The following FAT3 variants were observed in gnomAD, a reference collection of about 807,000 sequenced individuals.
FAT3 encodes protocadherin Fat 3.
Under a neutral mutation model 310.2 loss-of-function variants are expected in FAT3, and 95 were observed. The observed-to-expected ratio is 0.31, with a 90% CI of 0.26 to 0.36. FAT3 has a LOEUF of 0.36. Ranked by LOEUF, FAT3 falls within the 10% of genes least tolerant of loss-of-function variation. FAT3 has a pLI of 1.00. For missense variants in FAT3, 5,408 were observed against 5,715.6 expected (o/e 0.95, Z 1.74); for synonymous variants, 2,314 against 2,192.9 (o/e 1.06, Z -1.54).
At position 92,799,913 on chromosome 11, in the gene FAT3, T is replaced by G; in HGVS notation, c.6900T>G (p.Ser2300=). The part of the protein sequence containing the change: ...PTYNTTLSEA[S]LIGTPVLQVV... ...ACAATACAACACTATCAGAAGCATCTCTTATTGGGACACCTGTTTTACAAG... is the reference window on the plus strand; with the variant it reads ...ACAATACAACACTATCAGAAGCATCGCTTATTGGGACACCTGTTTTACAAG... The change falls in exon 10 of 28, where the codon TCT becomes TCG. Residue 2300 remains serine (S), a synonymous_variant. Coordinates refer to ENST00000525166, the MANE Select transcript of FAT3 (RefSeq NM_001367949.2). 1 of 1,612,750 alleles carries G rather than the reference T, an allele frequency of 6.2e-7. No individual in the cohort carries two copies. Among genetic ancestry groups the G allele is most frequent in the South Asian group, 1.1e-5 (1 of 90,844 alleles).
At chr11:92,449,061 A>G (rs1032926849) in intron 2 of FAT3, among the ~76,000 whole-genome samples, 2 of 152,080 alleles carry the variant, frequency 1.3e-5, no homozygotes, top group East Asian at 1.9e-4. Context: ...CCCGGGCTCA[A>G]TGCTAAGAAG....
intron 7 of FAT3, among the ~76,000 whole-genome samples, chr11:92,781,259 T>G (rs1489958056): frequency 6.6e-6 from 1 of 151,552 alleles, no homozygotes; most frequent in African/African-American, 2.4e-5. Context: ...GTTTTGTATT[T>G]TTAGTAGAGA....
intron 1 of FAT3, among the ~76,000 whole-genome samples, chr11:92,307,544 T>C (rs1947172707): frequency 6.6e-6 from 1 of 152,194 alleles, no homozygotes; most frequent in Non-Finnish European, 1.5e-5. Flanking sequence ...GCCTTGAAGC[T>C]GCAGCTGTAA....
intron 2 of FAT3, among the ~76,000 whole-genome samples, chr11:92,398,500 C>CAAAAAA (rs35977408): frequency 1.2e-5 from 1 of 80,700 alleles, no homozygotes; most frequent in African/African-American, 4.2e-5. Context: ...AACTCCGTCC[C>CAAAAAA]AAAAAAAAAA....
intron 2 of FAT3, among the ~76,000 whole-genome samples, chr11:92,366,117 C>T (rs756208861): frequency 6.6e-6 from 1 of 152,154 alleles, no homozygotes; most frequent in Non-Finnish European, 1.5e-5. Flanking sequence ...ACAGGACTGG[C>T]TCTAGGAGCA....
intron 1 of FAT3, among the ~76,000 whole-genome samples, chr11:92,266,392 A>C (rs1357235519): frequency 6.6e-6 from 1 of 152,184 alleles, no homozygotes; most frequent in Non-Finnish European, 1.5e-5. Context: ...TTTGACACGT[A>C]CAAATCCTCT....
At chr11:92,452,456 A>G (rs930591921) in intron 2 of FAT3, among the ~76,000 whole-genome samples, 1 of 152,198 alleles carries the variant, frequency 6.6e-6, no homozygotes, top group Admixed American at 6.5e-5. Context: ...CTTCGAAATT[A>G]TGAAGGACAT....
At position 92,844,700 on chromosome 11, in the gene FAT3, G is replaced by A. The variant is rs368636238; in HGVS notation, c.11333G>A (p.Arg3778His). 2.1e-5 allele frequency: 33 copies of A among 1,570,452 alleles called. No homozygotes were observed. Among genetic ancestry groups the A allele is most frequent in the Middle Eastern group, 1.7e-4 (1 of 5,994 alleles). Residue 3778 changes from arginine to histidine, a missense_variant, in exon 19 of 28, where the codon CGT becomes CAT. By Grantham distance (29) the Arg-to-His change is conservative. Around this residue, in one of 5 missense-constraint regions of FAT3, gnomAD observed 4,588 missense variants for 4,809.8 expected, o/e 0.95. Transcript: ENST00000525166. The part of the protein sequence containing the change: ...STARISFVCP[R>H]FYRNVRCTCN... ...GCTCGCATCAGCTTTGTGTGTCCGC[G>A]TTTCTACAGGAACGTGCGTTGCACC...
chr11:92,531,018 T>G (rs1337137988), intron 3 of FAT3, among the ~76,000 whole-genome samples: 1 of 152,094 alleles, frequency 6.6e-6, no homozygotes, highest in Non-Finnish European at 1.5e-5. Context: ...GCAGAGCCCC[T>G]CCTAATAAAA....
intron 2 of FAT3, among the ~76,000 whole-genome samples, chr11:92,452,231 G>A (rs749468918): frequency 1.3e-5 from 2 of 152,138 alleles, no homozygotes; most frequent in African/African-American, 2.4e-5. Flanking sequence ...ATTAACTCTG[G>A]ATTCTGGACT....
intron 3 of FAT3, among the ~76,000 whole-genome samples, chr11:92,645,860 C>T (rs1942143507): frequency 6.6e-6 from 1 of 152,202 alleles, no homozygotes; most frequent in African/African-American, 2.4e-5. Context: ...TCTCCAGCTC[C>T]TACAACATTG....
chr11:92,495,507 T>C (rs1056315778), intron 2 of FAT3, among the ~76,000 whole-genome samples: 4 of 152,090 alleles, frequency 2.6e-5, no homozygotes, highest in Non-Finnish European at 5.9e-5. Flanking sequence ...TAGGAGCACA[T>C]TATCTCTAGT....
At chr11:92,631,079 A>C (rs1941542090) in intron 3 of FAT3, among the ~76,000 whole-genome samples, 1 of 152,186 alleles carries the variant, frequency 6.6e-6, no homozygotes, top group African/African-American at 2.4e-5. Flanking sequence ...TCCCTCCTTC[A>C]GGTCTTCAGC....
intron 1 of FAT3, among the ~76,000 whole-genome samples, chr11:92,263,049 A>G (rs1417678867): frequency 2.0e-5 from 3 of 151,872 alleles, no homozygotes; most frequent in Non-Finnish European, 4.4e-5. Flanking sequence ...TGTTGATTCT[A>G]ATAAATGACA....
intron 2 of FAT3, among the ~76,000 whole-genome samples, chr11:92,454,124 AT>A (rs1209386822): frequency 6.6e-6 from 1 of 152,182 alleles, no homozygotes; most frequent in African/African-American, 2.4e-5. Context: ...ACTTTACATT[AT>A]TTGCCTACTA....
At chr11:92,248,892 A>G (rs1865032999) in intron 1 of FAT3, among the ~76,000 whole-genome samples, 2 of 152,262 alleles carry the variant, frequency 1.3e-5, no homozygotes, top group South Asian at 4.1e-4. Flanking sequence ...ATGGAACTTT[A>G]GGGCTGGAAG....
chr11:92,740,118 A>C (rs1323063667), intron 4 of FAT3, among the ~76,000 whole-genome samples: 2 of 152,206 alleles, frequency 1.3e-5, no homozygotes, highest in African/African-American at 4.8e-5. Context: ...TCATGATAAT[A>C]ACACTCTGAG....
Position 92,883,330 on chromosome 11 carries a change from G to A in FAT3, c.12874G>A (p.Val4292Met), listed in dbSNP as rs779151013. Residue 4292 changes from valine to methionine, a missense_variant, in exon 24 of 28, where the codon GTG becomes ATG. Physicochemically the swap from Val to Met is conservative, Grantham distance 21 (BLOSUM62 1). This residue lies in a region of FAT3 where 649 missense variants were observed against 666.2 expected (regional missense o/e 0.97). Coordinates refer to ENST00000525166, the MANE Select transcript of FAT3 (RefSeq NM_001367949.2). The surrounding 1 kb of genome is among the most constrained non-coding windows in gnomAD (Gnocchi z 4.2). Reference sequence around the variant, plus strand: ...CAGTGTGGCCCCCAACCTCCCCGCCGTGTCACCCTGCCGCTCCGACTGCGA... The same window carrying A: ...CAGTGTGGCCCCCAACCTCCCCGCCATGTCACCCTGCCGCTCCGACTGCGA... ...VCSVAPNLPA[V>M]SPCRSDCDSI... 3.7e-6 allele frequency: 6 copies of A among 1,611,254 alleles called. No individual in the cohort carries two copies. In the African/African-American group the frequency reaches 4.0e-5, roughly 11 times the overall value.
At chr11:92,568,695 G>A (rs149019783) in intron 3 of FAT3, among the ~76,000 whole-genome samples, 5 of 152,162 alleles carry the variant, frequency 3.3e-5, no homozygotes, top group Non-Finnish European at 7.4e-5. Context: ...TGCCTGCTTT[G>A]CTAGTCTTGT....
Sources: gnomAD v4.1 joint callset for allele counts (sites outside exome capture counted in the v4.1 genomes callset) on GRCh38, gnomAD v4.1.1 for gene constraint, gnomAD v4.1.1 regional missense constraint, Gnocchi (gnomAD v3.1) non-coding constraint, MANE v1.5 for transcripts, NCBI Gene and HGNC (gene_info 2026-07-23, HGNC 2026-07-21) for gene names.